CSMD2: variants seen among roughly 807,000 people sequenced by gnomAD.
The protein encoded by CSMD2 is CUB and Sushi multiple domains 2, also known as CUB and sushi domain-containing protein 2.
Under a neutral mutation model 398.5 loss-of-function variants are expected in CSMD2, and 130 were observed. The ratio of observed to expected loss-of-function variants is 0.33; its 90% confidence interval spans 0.28 to 0.38. CSMD2 has a LOEUF of 0.38. CSMD2 is among the 10% of genes least tolerant of loss of function. The probability of loss-of-function intolerance (pLI) is 1.00; values close to 1 mark genes in which losing one functional copy is unlikely to be tolerated. For synonymous variants in CSMD2, 1,828 were observed against 1,908.5 expected, an observed-to-expected ratio of 0.96 and a Z score of 1.10; for missense variants, 3,829 against 4,764.9, an observed-to-expected ratio of 0.80 and a Z score of 5.78.
At chr1:33,638,002 G>T in intron 29 of CSMD2, among the ~76,000 whole-genome samples, 1 of 152,130 alleles carries the variant, frequency 6.6e-6, no homozygotes, top group East Asian at 1.9e-4. Flanking sequence ...CTGATGGGAT[G>T]GAACTCTGAG....
chr1:33,746,775 A>G (rs900357054), intron 13 of CSMD2, among the ~76,000 whole-genome samples: 1 of 152,218 alleles, frequency 6.6e-6, no homozygotes, highest in Non-Finnish European at 1.5e-5. Context: ...GAATGAATCA[A>G]TGAGTACCTA....
chr1:34,045,497 T>A (rs1652415341), intron 2 of CSMD2, among the ~76,000 whole-genome samples: 1 of 152,260 alleles, frequency 6.6e-6, no homozygotes. Flanking sequence ...TTGTCTAGAA[T>A]GTCCCTGCCT....
intron 14 of CSMD2, among the ~76,000 whole-genome samples, chr1:33,742,424 G>A (rs1647099608): frequency 6.6e-6 from 1 of 152,214 alleles, no homozygotes; most frequent in African/African-American, 2.4e-5. Flanking sequence ...CAGCCTCTGG[G>A]AAAGGATCTA....
chr1:33,970,252 G>A (rs1030428465), intron 3 of CSMD2, among the ~76,000 whole-genome samples: 1 of 152,174 alleles, frequency 6.6e-6, no homozygotes, highest in Non-Finnish European at 1.5e-5. Flanking sequence ...GGTGAAGAAA[G>A]GTGGAACAGT....
chr1:33,590,005 A>G (rs1639321151), intron 44 of CSMD2, among the ~76,000 whole-genome samples: 1 of 152,154 alleles, frequency 6.6e-6, no homozygotes. Flanking sequence ...CTTCTAAGGC[A>G]TACTAAACTT....
At chr1:34,138,709 T>C (rs1049303259) in intron 1 of CSMD2, among the ~76,000 whole-genome samples, 2 of 152,222 alleles carry the variant, frequency 1.3e-5, no homozygotes, top group African/African-American at 4.8e-5. Context: ...GTTGATAATA[T>C]AGTGCCAAGT....
chr1:33,924,424 C>A (rs1169421105), intron 4 of CSMD2, among the ~76,000 whole-genome samples: 2 of 152,118 alleles, frequency 1.3e-5, no homozygotes, highest in Non-Finnish European at 2.9e-5. Flanking sequence ...ACCATATTTT[C>A]TTTATACATT....
intron 48 of CSMD2, among the ~76,000 whole-genome samples, chr1:33,579,009 A>G (rs922338572): frequency 1.3e-5 from 2 of 152,198 alleles, no homozygotes; most frequent in African/African-American, 4.8e-5. Context: ...TGACAGACGC[A>G]GGTGCAAATT....
chr1:33,954,821 G>A (rs1645113570), intron 3 of CSMD2, among the ~76,000 whole-genome samples: 1 of 152,114 alleles, frequency 6.6e-6, no homozygotes, highest in Non-Finnish European at 1.5e-5. Context: ...GGGAAAAGAG[G>A]AGTTAGTACA....
At chr1:33,593,886 T>A (rs1639666895) in intron 44 of CSMD2, among the ~76,000 whole-genome samples, 1 of 152,192 alleles carries the variant, frequency 6.6e-6, no homozygotes. Flanking sequence ...AGAAGTACTA[T>A]ACTTTATTTT....
chr1:33,716,340 G>A lies in CSMD2; in HGVS notation c.3163C>T (p.Arg1055Cys), dbSNP rs760955589. ...GLYGNFTAQVRFISDFSMSYE... is the reference protein window; with the variant it reads ...GLYGNFTAQVCFISDFSMSYE... ...GACATGGAGAAATCAGAGATGAAGC[G>A]GACCTGGGCAGTGAAGTTGCCATAG... Residue 1055 changes from arginine (R) to cysteine (C), a missense_variant, in exon 20 of 71, where the codon CGC becomes TGC. By Grantham distance (180) the Arg-to-Cys change is radical. Transcript: ENST00000373381. The A allele has an allele frequency of 4.3e-6, 7 of 1,614,066 alleles. No individual in the cohort carries two copies. Among genetic ancestry groups the A allele is most frequent in the African/African-American group, 2.7e-5 (2 of 74,932 alleles).
chr1:33,574,894 G>C (rs895290136), intron 49 of CSMD2, among the ~76,000 whole-genome samples: 1 of 152,200 alleles, frequency 6.6e-6, no homozygotes, highest in Middle Eastern at 3.2e-3. Context: ...AATCCTTTGG[G>C]AAGAAATACT....
intron 47 of CSMD2, among the ~76,000 whole-genome samples, chr1:33,582,078 C>A (rs1277776587): frequency 2.0e-5 from 3 of 152,092 alleles, no homozygotes; most frequent in Non-Finnish European, 4.4e-5. Context: ...CGGGTGAGCA[C>A]CAGCATTGCT....
At chr1:34,155,786 G>C (rs932763626) in intron 1 of CSMD2, among the ~76,000 whole-genome samples, 1 of 152,164 alleles carries the variant, frequency 6.6e-6, no homozygotes, top group African/African-American at 2.4e-5. Flanking sequence ...AAACTTTTTT[G>C]GTCTTATTCT....
chr1:33,995,852 T>C (rs951247210), intron 3 of CSMD2, among the ~76,000 whole-genome samples: 3 of 152,252 alleles, frequency 2.0e-5, no homozygotes, highest in Non-Finnish European at 4.4e-5. Flanking sequence ...TAGATTTTTC[T>C]GTTGATATGC....
At chr1:33,714,499 C>T (rs752673210) in intron 21 of CSMD2, 88 bp downstream of exon 21, 45 of 1,467,588 alleles carry the variant, frequency 3.1e-5, no homozygotes, top group Non-Finnish European at 1.2e-5. Flanking sequence ...AGCCTCTTGG[C>T]CTGTGTGCCG....
At chr1:33,616,392 C>A (rs1221875510) in intron 39 of CSMD2, among the ~76,000 whole-genome samples, 6 of 152,152 alleles carry the variant, frequency 3.9e-5, no homozygotes, top group African/African-American at 1.4e-4. Context: ...TGTGTGCCAC[C>A]ACATCTGCCT....
Position 33,711,939 on chromosome 1 carries a change from G to C in CSMD2, c.3406+2648C>G, listed in dbSNP as rs1356658576. Among the ~76,000 whole-genome samples the C allele has an allele frequency of 2.6e-5, 4 of 152,192 alleles. No homozygotes were observed. In the East Asian group the frequency reaches 7.7e-4, roughly 29 times the overall value. On this transcript the variant is annotated intron_variant, in intron 21 of 70. Coordinates refer to ENST00000373381, the MANE Select transcript of CSMD2 (RefSeq NM_001281956.2). Reference sequence around the variant, plus strand: ...CAGGGAGGGGACAGGAGGGATAGAGGGACGGGGCACTTGCTTCCGGGAGAG... The same window carrying C: ...CAGGGAGGGGACAGGAGGGATAGAGCGACGGGGCACTTGCTTCCGGGAGAG...
At chr1:33,695,017 T>C (rs948965368) in intron 24 of CSMD2, among the ~76,000 whole-genome samples, 1 of 152,128 alleles carries the variant, frequency 6.6e-6, no homozygotes, top group Non-Finnish European at 1.5e-5. Flanking sequence ...GTGACCAATC[T>C]CCCTGAGCAA....
Sources: allele counts gnomAD v4.1 joint callset (sites outside exome capture counted in the v4.1 genomes callset), GRCh38; gene constraint gnomAD v4.1.1; transcripts MANE v1.5; gene names NCBI Gene and HGNC (gene_info 2026-07-23, HGNC 2026-07-21).